PLCB4: variants seen among roughly 807,000 people sequenced by gnomAD.
The protein encoded by PLCB4 is phospholipase C beta 4, also known as 1-phosphatidylinositol 4,5-bisphosphate phosphodiesterase beta-4.
In PLCB4, 77 loss-of-function variants were observed where a neutral mutation model predicts 178.8. That is an observed-to-expected ratio of 0.43 (90% CI 0.36 to 0.52). PLCB4 has a LOEUF of 0.52. Ranked by LOEUF, PLCB4 falls within the 20% of genes least tolerant of loss-of-function variation. The pLI is 0.00. For synonymous variants in PLCB4, 496 were observed against 490.8 expected, an observed-to-expected ratio of 1.01 and a Z score of -0.14; for missense variants, 1,024 against 1,453.4, an observed-to-expected ratio of 0.70 and a Z score of 4.80.
intron 3 of PLCB4, among the ~76,000 whole-genome samples, chr20:9,282,825 A>G (rs2094505558): frequency 1.3e-5 from 2 of 152,144 alleles, no homozygotes; most frequent in South Asian, 4.1e-4. Flanking sequence ...GGCCTCAGCC[A>G]GGAGGACTGG....
At chr20:9,224,841 T>C (rs186515889) in intron 3 of PLCB4, among the ~76,000 whole-genome samples, 18 of 152,344 alleles carry the variant, frequency 1.2e-4, no homozygotes, top group Admixed American at 1.2e-3. Flanking sequence ...TACCAAATAC[T>C]GTTCGCCCTG....
chr20:9,421,543 G>T, intron 27 of PLCB4, 82 bp downstream of exon 27: 1 of 1,075,782 alleles, frequency 9.3e-7, no homozygotes, highest in Non-Finnish European at 1.4e-6. Context: ...CGATACAGGG[G>T]CACTTATTCA....
intron 2 of PLCB4, among the ~76,000 whole-genome samples, chr20:9,119,528 A>AC (rs2091891747): frequency 6.6e-6 from 1 of 151,840 alleles, no homozygotes; most frequent in African/African-American, 2.4e-5. Context: ...GAAAAAAAAA[A>AC]AAAACAAAGT....
At chr20:9,152,925 A>T (rs748151951) in intron 2 of PLCB4, among the ~76,000 whole-genome samples, 1 of 152,162 alleles carries the variant, frequency 6.6e-6, no homozygotes, top group African/African-American at 2.4e-5. Flanking sequence ...TCTTGTATCA[A>T]TGTGACCTGG....
intron 2 of PLCB4, among the ~76,000 whole-genome samples, chr20:9,162,797 A>T (rs1600818271): frequency 1.0e-5 from 1 of 97,936 alleles, no homozygotes; most frequent in Admixed American, 8.8e-5. Context: ...TAGCTCATTT[A>T]AAAAAAAGCC....
In PLCB4 at chr20:9,468,598, G is replaced by A. The variant is rs372931883; in HGVS notation, c.3276G>A (p.Gln1092=). 1 of 1,610,634 alleles carries A rather than the reference G, an allele frequency of 6.2e-7. No individual in the cohort carries two copies. The highest frequency in any genetic ancestry group is 8.5e-7 in the Non-Finnish European group (1 of 1,177,236). Residue 1092 remains glutamine, a synonymous_variant, in exon 36 of 40, where the codon CAG becomes CAA. Transcript: ENST00000378473. ...DRESKEMRAH[Q]AKISMENSKA... is the part of the protein sequence containing the mutation. ...AAAGCAAGGAAATGCGAGCACACCA[G>A]GCTAAGATTTCTATGGAAAATAGCA...
At chr20:9,310,223 A>G (rs1315329672) in intron 4 of PLCB4, among the ~76,000 whole-genome samples, 2 of 152,200 alleles carry the variant, frequency 1.3e-5, no homozygotes, top group Admixed American at 1.3e-4. Flanking sequence ...GTACATGAAC[A>G]GCCATGAGGG....
chr20:9,126,963 T>C (rs2092131077), intron 2 of PLCB4, among the ~76,000 whole-genome samples: 1 of 152,160 alleles, frequency 6.6e-6, no homozygotes, highest in African/African-American at 2.4e-5. Flanking sequence ...TGACATTACC[T>C]GTAATACTAA....
intron 4 of PLCB4, among the ~76,000 whole-genome samples, chr20:9,336,301 C>T (rs951860335): frequency 7.2e-5 from 11 of 152,158 alleles, no homozygotes; most frequent in African/African-American, 2.4e-4. Context: ...TTTTTCCTCT[C>T]ATTCCTAAGC....
At chr20:9,179,622 T>G (rs1412994151) in intron 2 of PLCB4, among the ~76,000 whole-genome samples, 1 of 152,224 alleles carries the variant, frequency 6.6e-6, no homozygotes, top group Non-Finnish European at 1.5e-5. Flanking sequence ...TTACCCAGGT[T>G]TTCCACTGAG....
intron 21 of PLCB4, among the ~76,000 whole-genome samples, chr20:9,407,372 C>CTTTTTT (rs1193918345): frequency 2.1e-4 from 30 of 141,732 alleles, no homozygotes; most frequent in African/African-American, 7.0e-4. Context: ...ATAGTAATTT[C>CTTTTTT]TTTTTTTTTT....
At chr20:9,390,086 T>A in intron 16 of PLCB4, 128 bp downstream of exon 16, 1 of 587,220 alleles carries the variant, frequency 1.7e-6, no homozygotes, top group East Asian at 2.6e-5. Flanking sequence ...TTCAAATAAT[T>A]CTCCAGCAAG....
intron 33 of PLCB4, among the ~76,000 whole-genome samples, chr20:9,455,686 A>C (rs1282789871): frequency 1.3e-5 from 2 of 152,180 alleles, no homozygotes; most frequent in African/African-American, 2.4e-5. Context: ...CAAACGCAGC[A>C]CTCCTAGCAG....
At chr20:9,189,048 CATATA>C (rs2093366718) in intron 2 of PLCB4, among the ~76,000 whole-genome samples, 1 of 10,416 alleles carries the variant, frequency 9.6e-5, no homozygotes, top group Non-Finnish European at 1.5e-4. Flanking sequence ...GGAGGGCTGT[CATATA>C]GTGACATTCT....
At chr20:9,223,270 C>G (rs2093821759) in intron 3 of PLCB4, among the ~76,000 whole-genome samples, 1 of 152,048 alleles carries the variant, frequency 6.6e-6, no homozygotes, top group Non-Finnish European at 1.5e-5. Flanking sequence ...CAAACTGATA[C>G]CAGACTCAAA....
intron 25 of PLCB4, among the ~76,000 whole-genome samples, chr20:9,412,806 T>C (rs2039948761): frequency 6.6e-6 from 1 of 152,206 alleles, no homozygotes; most frequent in South Asian, 2.1e-4. Context: ...CCTTACTCCA[T>C]GGTTCTAAAT....
intron 2 of PLCB4, among the ~76,000 whole-genome samples, chr20:9,117,494 TC>T (rs2091820463): frequency 6.6e-6 from 1 of 152,186 alleles, no homozygotes; most frequent in Admixed American, 6.5e-5. Flanking sequence ...TCCATTCCTA[TC>T]CGTGCTTAAT....
intron 1 of PLCB4, among the ~76,000 whole-genome samples, chr20:9,082,054 C>A (rs553066612): frequency 5.3e-5 from 8 of 150,242 alleles, no homozygotes; most frequent in Non-Finnish European, 1.0e-4. Context: ...TTTATGAGTT[C>A]GATTTTAATC....
intron 1 of PLCB4, among the ~76,000 whole-genome samples, chr20:9,087,960 G>A (rs1001064152): frequency 6.6e-6 from 1 of 152,116 alleles, no homozygotes; most frequent in Non-Finnish European, 1.5e-5. Context: ...TATTCACAAG[G>A]TCCACAGGAA....
Sources: gnomAD v4.1 joint callset for allele counts (sites outside exome capture counted in the v4.1 genomes callset) on GRCh38, gnomAD v4.1.1 for gene constraint, MANE v1.5 for transcripts, NCBI Gene and HGNC (gene_info 2026-07-23, HGNC 2026-07-21) for gene names.